CUX2: variants seen among roughly 807,000 people sequenced by gnomAD.
CUX2 encodes the protein homeobox protein cut-like 2.
Under a neutral mutation model 144.8 loss-of-function variants are expected in CUX2, and 40 were observed. That is an observed-to-expected ratio of 0.28 (90% CI 0.21 to 0.36). The LOEUF (loss-of-function observed/expected upper bound fraction) is 0.36, where lower values mean the gene tolerates loss of function less well. CUX2 is among the 10% of genes least tolerant of loss of function. The probability of loss-of-function intolerance (pLI) is 1.00; values close to 1 mark genes in which losing one functional copy is unlikely to be tolerated. For missense variants in CUX2, 1,615 were observed against 1,994.0 expected, an observed-to-expected ratio of 0.81 and a Z score of 3.62; for synonymous variants, 827 against 875.6, an observed-to-expected ratio of 0.94 and a Z score of 0.98.
intron 1 of CUX2, among the ~76,000 whole-genome samples, chr12:111,201,652 G>T (rs9783423): frequency 6.6e-6 from 1 of 151,946 alleles, no homozygotes; most frequent in African/African-American, 2.4e-5. Context: ...CTTAATAAAT[G>T]CTTCCCTACC....
chr12:111,179,374 A>G (rs1423007070), intron 1 of CUX2, among the ~76,000 whole-genome samples: 1 of 152,230 alleles, frequency 6.6e-6, no homozygotes, highest in Non-Finnish European at 1.5e-5. Context: ...TAAGGTGCAC[A>G]GGATGGGGAC....
intron 1 of CUX2, among the ~76,000 whole-genome samples, chr12:111,074,052 A>C (rs946205908): frequency 1.3e-5 from 2 of 150,878 alleles, no homozygotes; most frequent in African/African-American, 2.5e-5. Context: ...AAAAAAAAAA[A>C]TCATACATTG....
intron 1 of CUX2, among the ~76,000 whole-genome samples, chr12:111,111,320 A>G (rs1211506358): frequency 6.6e-6 from 1 of 151,794 alleles, no homozygotes; most frequent in East Asian, 1.9e-4. Flanking sequence ...AAAAAAAGAG[A>G]GACAATGGCT....
chr12:111,055,699 G>A (rs1004015735), intron 1 of CUX2, among the ~76,000 whole-genome samples: 3 of 152,040 alleles, frequency 2.0e-5, no homozygotes, highest in Non-Finnish European at 4.4e-5. Flanking sequence ...GAGCTTGCCC[G>A]ACTGCCCCAG....
chr12:111,236,696 C>T (rs1007067505), intron 3 of CUX2, among the ~76,000 whole-genome samples: 1 of 152,208 alleles, frequency 6.6e-6, no homozygotes, highest in African/African-American at 2.4e-5. Flanking sequence ...ATAAATAATA[C>T]ATCGAGAGGC....
intron 1 of CUX2, among the ~76,000 whole-genome samples, chr12:111,108,750 T>G (rs1327984057): frequency 6.6e-6 from 1 of 150,664 alleles, no homozygotes; most frequent in Non-Finnish European, 1.5e-5. Flanking sequence ...TCACTTTCTC[T>G]TTCTCCCTCT....
intron 1 of CUX2, among the ~76,000 whole-genome samples, chr12:111,090,978 G>T (rs1274935328): frequency 2.0e-5 from 3 of 152,200 alleles, no homozygotes; most frequent in African/African-American, 7.2e-5. Context: ...CTCCCTGTGT[G>T]CTTCTCCTTG....
At chr12:111,296,578 G>A in intron 8 of CUX2, 39 bp downstream of exon 8, 1 of 1,577,202 alleles carries the variant, frequency 6.3e-7, no homozygotes, top group South Asian at 1.1e-5. Context: ...CTCCCTTGGA[G>A]GCCTCCCAGA....
rs1870766562 is a variant in CUX2, at chr12:111,061,328, T to C, written c.63+27088T>C. On this transcript the variant is annotated intron_variant, in intron 1 of 21. Coordinates refer to ENST00000261726, the MANE Select transcript of CUX2 (RefSeq NM_015267.4). The surrounding 1 kb of genome is among the most constrained non-coding windows in gnomAD (Gnocchi z 4.2). ...ATTTTTATTCCTGTTTGAGTCACTA[T>C]GGGACAATGAGGAGAGCCACTGAGG... Among the ~76,000 whole-genome samples the C allele has an allele frequency of 6.6e-6, 1 of 152,154 alleles. No homozygotes were observed. Among genetic ancestry groups the C allele is most frequent in the Non-Finnish European group, 1.5e-5 (1 of 68,034 alleles).
At chr12:111,313,166 A>G (rs1288792348) in intron 16 of CUX2, among the ~76,000 whole-genome samples, 1 of 151,496 alleles carries the variant, frequency 6.6e-6, no homozygotes, top group East Asian at 2.0e-4. Context: ...GGTTCAAGCA[A>G]TTCTCCTGCC....
chr12:111,298,155 G>A (rs745459000), intron 8 of CUX2, among the ~76,000 whole-genome samples: 5 of 152,206 alleles, frequency 3.3e-5, no homozygotes, highest in Admixed American at 6.5e-5. Flanking sequence ...GCCTGCAGGG[G>A]GCTGGGCAGC....
chr12:111,282,148 C>T (rs1003280852), intron 4 of CUX2, among the ~76,000 whole-genome samples: 13 of 151,760 alleles, frequency 8.6e-5, no homozygotes, highest in Admixed American at 2.0e-4. Context: ...GGTGAAACCC[C>T]GTCTCTACTA....
At chr12:111,168,409 G>C (rs1049621616) in intron 1 of CUX2, among the ~76,000 whole-genome samples, 1 of 152,230 alleles carries the variant, frequency 6.6e-6, no homozygotes, top group African/African-American at 2.4e-5. Flanking sequence ...AGAATAGCTG[G>C]AATGATCCTT....
At chr12:111,041,001 AGT>A (rs1241787074) in intron 1 of CUX2, among the ~76,000 whole-genome samples, 1 of 152,210 alleles carries the variant, frequency 6.6e-6, no homozygotes, top group African/African-American at 2.4e-5. Context: ...AGAGTATTAA[AGT>A]GGATCAAACT....
chr12:111,173,665 C>T (rs1878678169), intron 1 of CUX2, among the ~76,000 whole-genome samples: 1 of 152,158 alleles, frequency 6.6e-6, no homozygotes, highest in South Asian at 2.1e-4. Context: ...TGTTGGTCTG[C>T]TGGAAGTAAT....
At chr12:111,097,855 G>A (rs959399296) in intron 1 of CUX2, among the ~76,000 whole-genome samples, 4 of 152,226 alleles carry the variant, frequency 2.6e-5, no homozygotes, top group Middle Eastern at 3.2e-3. Flanking sequence ...GCTCCAGGGC[G>A]TGTGAGTCGT....
At chr12:111,079,109 G>C (rs1871712084) in intron 1 of CUX2, among the ~76,000 whole-genome samples, 1 of 152,204 alleles carries the variant, frequency 6.6e-6, no homozygotes, top group East Asian at 1.9e-4. Flanking sequence ...ATAGATGTGG[G>C]AGCTTCCCAT....
At chr12:111,326,539 C>G (rs958509090) in intron 18 of CUX2, among the ~76,000 whole-genome samples, 2 of 151,920 alleles carry the variant, frequency 1.3e-5, no homozygotes, top group African/African-American at 4.8e-5. Context: ...CTCTGTCACC[C>G]AGGCTGGAGT....
intron 1 of CUX2, among the ~76,000 whole-genome samples, chr12:111,073,058 G>T (rs1361430454): frequency 6.6e-6 from 1 of 152,126 alleles, no homozygotes; most frequent in Non-Finnish European, 1.5e-5. Context: ...GACAGAAAAA[G>T]GCACAGATCC....
Sources: gnomAD v4.1 joint callset for allele counts (sites outside exome capture counted in the v4.1 genomes callset) on GRCh38, gnomAD v4.1.1 for gene constraint, Gnocchi (gnomAD v3.1) non-coding constraint, MANE v1.5 for transcripts, NCBI Gene and HGNC (gene_info 2026-07-23, HGNC 2026-07-21) for gene names.